CELF2: variants seen among roughly 807,000 people sequenced by gnomAD.
CELF2 encodes CUG triplet repeat RNA-binding protein 2.
In CELF2, 8 loss-of-function variants were observed where a neutral mutation model predicts 62.6. The observed-to-expected ratio is 0.13, with a 90% CI of 0.07 to 0.23. The LOEUF is 0.23. Among genes scored for constraint, CELF2 ranks in the 10% least tolerant of loss-of-function variants. The pLI, the probability that CELF2 is intolerant of heterozygous loss-of-function variation, is 1.00. For missense variants in CELF2, 333 were observed against 671.0 expected, an observed-to-expected ratio of 0.50 and a Z score of 5.56; for synonymous variants, 258 against 250.0, an observed-to-expected ratio of 1.03 and a Z score of -0.30.
chr10:10,541,930 C>T, the CELF2 span, among the ~76,000 whole-genome samples: 3 of 152,174 alleles, frequency 2.0e-5, no homozygotes, highest in South Asian at 4.1e-4. Context: ...GTTCAAACAC[C>T]TCTGATAATA....
chr10:11,119,561 G>A (rs1209680426), intron 1 of CELF2, among the ~76,000 whole-genome samples: 1 of 152,114 alleles, frequency 6.6e-6, no homozygotes, highest in Non-Finnish European at 1.5e-5. Flanking sequence ...GAAATGTCAT[G>A]TTTGTACTAT....
the CELF2 span, among the ~76,000 whole-genome samples, chr10:10,627,009 G>A: frequency 6.6e-6 from 1 of 152,162 alleles, no homozygotes; most frequent in African/African-American, 2.4e-5. Flanking sequence ...CTAGGTCTCT[G>A]GCACTTAAGA....
chr10:11,125,419 G>A (rs2058511643), intron 1 of CELF2, among the ~76,000 whole-genome samples: 1 of 149,864 alleles, frequency 6.7e-6, no homozygotes, highest in African/African-American at 2.5e-5. Context: ...ATAAAGAGAG[G>A]CAGGTTTAGG....
intron 1 of CELF2, among the ~76,000 whole-genome samples, chr10:10,857,651 A>ATATATATATATATATATAGTT (rs2059808564): frequency 5.6e-5 from 3 of 53,352 alleles, no homozygotes; most frequent in African/African-American, 1.7e-4. Context: ...TATATATAGT[A>ATATATATATATATATATAGTT]TATATATATA....
chr10:10,557,233 GTTTCAGC>G, the CELF2 span, among the ~76,000 whole-genome samples: 1 of 142,772 alleles, frequency 7.0e-6, no homozygotes, highest in African/African-American at 2.7e-5. Flanking sequence ...AAGGGATCCA[GTTTCAGC>G]TTTCTACATA....
Position 11,165,331 on chromosome 10 carries a change from G to C in CELF2, c.75-155G>C, listed in dbSNP as rs2066749779. On this transcript the variant is annotated intron_variant, in intron 1 of 12. Coordinates refer to ENST00000633077, the MANE Select transcript of CELF2 (RefSeq NM_001326342.2). The surrounding 1 kb of genome is among the most constrained non-coding windows in gnomAD (Gnocchi z 7.4). ...GAGCAACTCATGGTGCCTCCGCTTTGTTTTAGTTCATCAAATTTCTACGAC... is the reference window on the plus strand; with the variant it reads ...GAGCAACTCATGGTGCCTCCGCTTTCTTTTAGTTCATCAAATTTCTACGAC... 1 of 1,442,894 alleles carries C rather than the reference G, an allele frequency of 6.9e-7. No individual in the cohort carries two copies. The highest frequency in any genetic ancestry group is 1.5e-5 in the South Asian group (1 of 67,952). The allele number at this position is 1,442,894 out of a possible 1,614,324, so 89.4% of individuals were successfully genotyped here.
chr10:11,187,360 C>T (rs1007133904), intron 2 of CELF2, among the ~76,000 whole-genome samples: 2 of 152,048 alleles, frequency 1.3e-5, no homozygotes, highest in Non-Finnish European at 2.9e-5. Context: ...TTCTTTGACT[C>T]CTGTTAAATA....
chr10:10,862,354 A>C (rs527266713), intron 1 of CELF2, among the ~76,000 whole-genome samples: 8 of 152,174 alleles, frequency 5.3e-5, no homozygotes, highest in African/African-American at 1.9e-4. Flanking sequence ...TGAAGGCTCT[A>C]CTGGGGTGTG....
At chr10:10,680,144 CGTATGTATGTAT>C in the CELF2 span, among the ~76,000 whole-genome samples, 10 of 150,648 alleles carry the variant, frequency 6.6e-5, no homozygotes, top group Admixed American at 1.3e-4. Flanking sequence ...TATGTATGTA[CGTATGTATGTAT>C]GTATGTATGT....
chr10:11,091,772 A>G (rs2048379354), intron 1 of CELF2, among the ~76,000 whole-genome samples: 1 of 152,228 alleles, frequency 6.6e-6, no homozygotes, highest in South Asian at 2.1e-4. Context: ...ACCATGAATG[A>G]CTAAACATGA....
chr10:10,679,279 T>A, the CELF2 span, among the ~76,000 whole-genome samples: 1 of 152,072 alleles, frequency 6.6e-6, no homozygotes, highest in South Asian at 2.1e-4. Context: ...AAAATGGTAA[T>A]CTTTTCTTAT....
At chr10:11,161,858 G>T (rs2133189301) in intron 1 of CELF2, among the ~76,000 whole-genome samples, 1 of 152,270 alleles carries the variant, frequency 6.6e-6, no homozygotes, top group East Asian at 1.9e-4. Flanking sequence ...AGAGCACATT[G>T]GCTGTCCTTA....
chr10:10,978,653 T>C (rs2051664902), intron 2 of CELF2, among the ~76,000 whole-genome samples: 1 of 152,198 alleles, frequency 6.6e-6, no homozygotes, highest in Non-Finnish European at 1.5e-5. Flanking sequence ...TAGGGGACAC[T>C]GAAGCCATAT....
the CELF2 span, among the ~76,000 whole-genome samples, chr10:10,506,914 C>T: frequency 1.3e-5 from 2 of 152,030 alleles, no homozygotes; most frequent in Non-Finnish European, 2.9e-5. Context: ...ATCCACCTGC[C>T]TCAGCCTCCC....
At position 11,309,480 on chromosome 10, in the gene CELF2, G is replaced by C. The variant is rs2094450364; in HGVS notation, c.977-4659G>C. Reference sequence around the variant, plus strand: ...GACAGCTCCCTTTCACTGCCTCTTTGCCTGATCTCTGTTAAGTTTCTGGCT... The same window carrying C: ...GACAGCTCCCTTTCACTGCCTCTTTCCCTGATCTCTGTTAAGTTTCTGGCT... On this transcript the variant is annotated intron_variant, in intron 9 of 12. Transcript: ENST00000633077. This position sits in a 1 kb window ranked among gnomAD's most constrained non-coding sequence, Gnocchi z 5.6. 6.6e-6 allele frequency among the ~76,000 whole-genome samples: 1 copy of C among 152,092 alleles called. No homozygotes were observed. Among genetic ancestry groups the C allele is most frequent in the Non-Finnish European group, 1.5e-5 (1 of 68,030 alleles).
chr10:10,755,490 G>A, the CELF2 span, among the ~76,000 whole-genome samples: 1 of 152,152 alleles, frequency 6.6e-6, no homozygotes, highest in Non-Finnish European at 1.5e-5. Flanking sequence ...ACATTTTCGC[G>A]CGCAGTCTCT....
rs146326251 is a variant in CELF2 at position 11,118,503 on chromosome 10, T to C, written c.75-46983T>C. Among the ~76,000 whole-genome samples, 905 of 152,264 alleles carry C rather than the reference T, an allele frequency of 5.9e-3. 5 individuals carry two copies. Among genetic ancestry groups the C allele is most frequent in the Non-Finnish European group, 9.0e-3 (614 of 68,010 alleles). On this transcript the variant is annotated intron_variant, in intron 1 of 12. Transcript: ENST00000633077. ...TTGAGTAACAATGCTCAAAGATACG[T>C]CACTTCTGTTAAAAGATTAGTATAT...
Position 11,321,519 on chromosome 10 carries a change from T to TAA in CELF2, c.1294+146_1294+147dup, listed in dbSNP as rs34817797. 1.8e-3 allele frequency: 1,041 copies of TAA among 570,250 alleles called. No individual in the cohort carries two copies. The highest frequency in any genetic ancestry group is 6.8e-3 in the African/African-American group (353 of 52,282). 35.3% of individuals were successfully genotyped at this position (570,250 alleles called of 1,614,324 possible). A position where few individuals can be genotyped will look rare whatever the true frequency, so the allele number is the denominator to read the frequency against. On this transcript the variant is annotated intron_variant, in intron 11 of 12. Coordinates refer to ENST00000633077, the MANE Select transcript of CELF2 (RefSeq NM_001326342.2). The surrounding 1 kb of genome is among the most constrained non-coding windows in gnomAD (Gnocchi z 6.2). ...AAGCAGTTGTTTTGTTATTCATGTT[T>TAA]AAAAAAAAAAAAAACTGAAAGCTGG...
At chr10:11,286,278 C>T (rs1160146551) in intron 8 of CELF2, among the ~76,000 whole-genome samples, 1 of 152,180 alleles carries the variant, frequency 6.6e-6, no homozygotes, top group Non-Finnish European at 1.5e-5. Context: ...CTGGCCTAAG[C>T]CTAGAATGGT....
Sources: gnomAD v4.1 joint callset for allele counts (sites outside exome capture counted in the v4.1 genomes callset) on GRCh38, gnomAD v4.1.1 for gene constraint, Gnocchi (gnomAD v3.1) non-coding constraint, MANE v1.5 for transcripts, NCBI Gene and HGNC (gene_info 2026-07-23, HGNC 2026-07-21) for gene names.